MAD1L1: variants seen among roughly 807,000 people sequenced by gnomAD.
The protein encoded by MAD1L1 is mitotic arrest deficient 1 like 1.
MAD1L1 carries 95 observed loss-of-function variants against 96.9 expected under a neutral mutation model. That is an observed-to-expected ratio of 0.98 (90% CI 0.83 to 1.16). The LOEUF is 1.16. MAD1L1 is among the 50% of genes most tolerant of loss of function. The probability of loss-of-function intolerance (pLI) is 0.00; values close to 1 mark genes in which losing one functional copy is unlikely to be tolerated. For missense variants in MAD1L1, 1,007 were observed against 954.4 expected (o/e 1.06, Z -0.73); for synonymous variants, 473 against 396.6 (o/e 1.19, Z -2.29).
At chr7:1,931,045 C>T (rs1238315385) in intron 17 of MAD1L1, among the ~76,000 whole-genome samples, 1 of 150,920 alleles carries the variant, frequency 6.6e-6, no homozygotes, top group Non-Finnish European at 1.5e-5. Flanking sequence ...TCTGCTGACA[C>T]CACGGGAACA....
chr7:1,870,371 A>C, intron 18 of MAD1L1, among the ~76,000 whole-genome samples: 1 of 142,430 alleles, frequency 7.0e-6, no homozygotes, highest in East Asian at 2.2e-4. Flanking sequence ...AACCCAACAT[A>C]CGCTTGCCAT....
intron 12 of MAD1L1, among the ~76,000 whole-genome samples, chr7:2,017,760 A>G (rs1782609046): frequency 6.6e-6 from 1 of 152,218 alleles, no homozygotes; most frequent in African/African-American, 2.4e-5. Flanking sequence ...ATAAGCCCCA[A>G]GCATGCCGAT....
At position 2,159,965 on chromosome 7, in the gene MAD1L1, T is replaced by C. The variant is rs528261760; in HGVS notation, c.987-10727A>G. 4.6e-5 allele frequency among the ~76,000 whole-genome samples: 7 copies of C among 152,272 alleles called. No individual in the cohort carries two copies. In the East Asian group the frequency reaches 1.4e-3, roughly 29 times the overall value. ...AAGTCTGGCCAGGCGCAGTGGCTCA[T>C]GCCTGTAATCCCAGCACTTTGGGAG... On this transcript the variant is annotated intron_variant, in intron 10 of 18. Coordinates refer to ENST00000265854, the MANE Select transcript of MAD1L1 (RefSeq NM_001013836.2).
intron 12 of MAD1L1, among the ~76,000 whole-genome samples, chr7:2,038,366 C>T (rs1783530359): frequency 6.6e-6 from 1 of 152,282 alleles, no homozygotes; most frequent in South Asian, 2.1e-4. Flanking sequence ...ACCAGATTTG[C>T]AGTGCACATA....
chr7:2,044,815 G>A (rs779275356), intron 12 of MAD1L1, among the ~76,000 whole-genome samples: 4 of 152,156 alleles, frequency 2.6e-5, no homozygotes, highest in African/African-American at 7.2e-5. Flanking sequence ...TCAGTATGGC[G>A]TAGTCCCCCG....
At chr7:1,918,391 T>A (rs528992442) in intron 17 of MAD1L1, among the ~76,000 whole-genome samples, 31 of 152,124 alleles carry the variant, frequency 2.0e-4, no homozygotes, top group Non-Finnish European at 3.5e-4. Flanking sequence ...CTCGGCTCCG[T>A]CTTGGGGCCC....
intron 14 of MAD1L1, among the ~76,000 whole-genome samples, chr7:1,985,507 C>CCTA (rs1412738024): frequency 6.6e-6 from 1 of 152,250 alleles, no homozygotes; most frequent in Non-Finnish European, 1.5e-5. Flanking sequence ...CTCTAGGGAG[C>CCTA]CTAACATGCA....
intron 12 of MAD1L1, among the ~76,000 whole-genome samples, chr7:2,036,928 C>T (rs761227711): frequency 8.5e-5 from 13 of 152,156 alleles, no homozygotes; most frequent in Non-Finnish European, 4.4e-5. Flanking sequence ...AGGCACGCTC[C>T]GCCTCCTGAA....
intron 10 of MAD1L1, among the ~76,000 whole-genome samples, chr7:2,211,665 T>C (rs1792954950): frequency 6.6e-6 from 1 of 152,160 alleles, no homozygotes; most frequent in Non-Finnish European, 1.5e-5. Flanking sequence ...AGGCCGGCCC[T>C]ACAGAAGTCT....
chr7:1,916,134 G>A (rs1442426105), intron 17 of MAD1L1, among the ~76,000 whole-genome samples: 5 of 152,224 alleles, frequency 3.3e-5, no homozygotes, highest in Non-Finnish European at 7.3e-5. Flanking sequence ...GTCAGAAAGA[G>A]AGATGCCACC....
intron 11 of MAD1L1, among the ~76,000 whole-genome samples, chr7:2,123,748 C>T (rs1011434030): frequency 2.0e-5 from 3 of 152,346 alleles, no homozygotes; most frequent in East Asian, 1.9e-4. Flanking sequence ...CCTCCGGCGG[C>T]GTGGTGCTGC....
intron 12 of MAD1L1, among the ~76,000 whole-genome samples, chr7:2,034,761 G>T (rs1164865806): frequency 6.6e-6 from 1 of 152,216 alleles, no homozygotes; most frequent in African/African-American, 2.4e-5. Context: ...AATGAACAGG[G>T]GAGGAAAGGA....
chr7:2,163,017 A>AT (rs1241767120), intron 10 of MAD1L1, among the ~76,000 whole-genome samples: 2 of 152,154 alleles, frequency 1.3e-5, no homozygotes, highest in African/African-American at 4.8e-5. Flanking sequence ...TTCAATAGCA[A>AT]TTTTTTAGCA....
intron 18 of MAD1L1, among the ~76,000 whole-genome samples, chr7:1,874,070 C>T (rs1785247704): frequency 6.6e-6 from 1 of 152,210 alleles, no homozygotes; most frequent in Admixed American, 6.5e-5. Context: ...AGGGTCGGTG[C>T]TTCTGCCTGG....
chr7:2,056,664 G>A (rs1001801698), intron 12 of MAD1L1, among the ~76,000 whole-genome samples: 4 of 152,090 alleles, frequency 2.6e-5, no homozygotes, highest in Admixed American at 6.5e-5. Flanking sequence ...CCCACCCAGC[G>A]CCCATTATCA....
chr7:1,861,911 T>C (rs1259378569), intron 18 of MAD1L1, among the ~76,000 whole-genome samples: 2 of 151,718 alleles, frequency 1.3e-5, no homozygotes, highest in African/African-American at 4.8e-5. Context: ...GCCTGCCCCC[T>C]GGTTGGAGGG....
chr7:1,933,455 C>T (rs544911684), intron 17 of MAD1L1, among the ~76,000 whole-genome samples: 30 of 152,304 alleles, frequency 2.0e-4, no homozygotes, highest in Admixed American at 8.5e-4. Context: ...TCTATCAATC[C>T]GGGCTCAGTT....
chr7:2,169,710 G>A (rs935169182), intron 10 of MAD1L1, among the ~76,000 whole-genome samples: 3 of 145,882 alleles, frequency 2.1e-5, no homozygotes, highest in Admixed American at 6.7e-5. Context: ...TGGAGCAGAG[G>A]CTGGACCACA....
chr7:2,207,083 A>AG (rs1792634432), intron 10 of MAD1L1, among the ~76,000 whole-genome samples: 2 of 152,036 alleles, frequency 1.3e-5, no homozygotes, highest in South Asian at 4.1e-4. Flanking sequence ...GTCTCAAAAA[A>AG]AAAAAAAAAA....
Sources: allele counts gnomAD v4.1 joint callset (sites outside exome capture counted in the v4.1 genomes callset), GRCh38; gene constraint gnomAD v4.1.1; transcripts MANE v1.5; gene names NCBI Gene and HGNC (gene_info 2026-07-23, HGNC 2026-07-21).